SLC9A7: variants seen among roughly 807,000 people sequenced by gnomAD.
SLC9A7 encodes sodium/hydrogen exchanger 7.
In SLC9A7, 19 loss-of-function variants were observed where a neutral mutation model predicts 52.6. That is an observed-to-expected ratio of 0.36 (90% CI 0.25 to 0.53). The LOEUF (loss-of-function observed/expected upper bound fraction) is 0.53. Among genes scored for constraint, SLC9A7 ranks in the 20% least tolerant of loss-of-function variants. SLC9A7 has a pLI of 0.91. For synonymous variants in SLC9A7, 226 were observed against 252.1 expected (o/e 0.90, Z 0.98); for missense variants, 455 against 597.9 (o/e 0.76, Z 2.49).
chrX:46,703,972 T>C (rs895673312), intron 1 of SLC9A7, among the ~76,000 whole-genome samples: 1 of 112,023 alleles, frequency 8.9e-6, no homozygotes, highest in Admixed American at 9.5e-5. Context: ...TTGATCTATT[T>C]GCATTTTACA....
At chrX:46,618,659 T>A (rs776665543) in intron 15 of SLC9A7, among the ~76,000 whole-genome samples, 1 of 112,370 alleles carries the variant, frequency 8.9e-6, no homozygotes, top group Non-Finnish European at 1.9e-5. Context: ...ATTTAAAAAG[T>A]GAGGCTGGGT....
intron 1 of SLC9A7, among the ~76,000 whole-genome samples, chrX:46,711,793 T>C (rs1944690877): frequency 9.2e-6 from 1 of 108,582 alleles, no homozygotes; most frequent in Non-Finnish European, 1.9e-5. Context: ...CTTCCTGCTC[T>C]ACCACCAAGA....
At chrX:46,746,818 A>G (rs1299392159) in intron 1 of SLC9A7, among the ~76,000 whole-genome samples, 1 of 112,686 alleles carries the variant, frequency 8.9e-6, no homozygotes, top group Non-Finnish European at 1.9e-5. Flanking sequence ...GGAAATCAAT[A>G]TAATAAAGAA....
Position 46,599,296 on chromosome X carries a change from C to CTT in SLC9A7, c.*7654_*7655dup, listed in dbSNP as rs1942623511. The CTT allele has an allele frequency of 9.0e-6, 1 of 111,697 alleles. No individual in the cohort carries two copies. Among genetic ancestry groups the CTT allele is most frequent in the South Asian group, 3.7e-4 (1 of 2,681 alleles). The allele number at this position is 111,697 out of a possible 1,213,427, so 9.2% of individuals were successfully genotyped here. ...TTACAAAAAAAGGCAGTGGGCTGGA[C>CTT]TTGGTTCAGGAGCCAGCTGTAGTTT... On this transcript the variant is annotated 3_prime_UTR_variant, in exon 17 of 17. Transcript: ENST00000616978.
intron 1 of SLC9A7, among the ~76,000 whole-genome samples, chrX:46,749,162 C>T (rs1277095853): frequency 8.9e-6 from 1 of 111,825 alleles, no homozygotes; most frequent in African/African-American, 3.3e-5. Flanking sequence ...GGCATAAGAA[C>T]TTGAAGGAGG....
At chrX:46,751,671 G>A (rs1235886515) in intron 1 of SLC9A7, among the ~76,000 whole-genome samples, 1 of 110,557 alleles carries the variant, frequency 9.0e-6, no homozygotes, top group East Asian at 2.8e-4. Context: ...TTAGCCAGGC[G>A]TAGTGGTGAG....
chrX:46,638,678 T>C (rs1943358361), intron 12 of SLC9A7, among the ~76,000 whole-genome samples: 1 of 112,209 alleles, frequency 8.9e-6, no homozygotes, highest in Non-Finnish European at 1.9e-5. Context: ...ATAGGTCATC[T>C]GAAAAGCCCT....
chrX:46,706,243 T>TTTC (rs1944603743), intron 1 of SLC9A7, among the ~76,000 whole-genome samples: 1 of 98,635 alleles, frequency 1.0e-5, no homozygotes, highest in African/African-American at 3.7e-5. Context: ...CCATTGAAAG[T>TTTC]AATGGCAAAA....
chrX:46,754,640 C>G (rs373438492), intron 1 of SLC9A7, among the ~76,000 whole-genome samples: 5 of 109,501 alleles, frequency 4.6e-5, no homozygotes, highest in Admixed American at 9.8e-5. Flanking sequence ...GAGCCCACAA[C>G]CCATAGAACC....
At chrX:46,615,962 T>C (rs1942941304) in intron 15 of SLC9A7, among the ~76,000 whole-genome samples, 1 of 110,434 alleles carries the variant, frequency 9.1e-6, no homozygotes, top group African/African-American at 3.3e-5. Flanking sequence ...AACATTTGCT[T>C]TCTACTTTAT....
Position 46,669,634 on chromosome X carries a change from CA to C in SLC9A7, c.765del (p.Phe255LeufsTer11). 1.7e-6 allele frequency: 2 copies of C among 1,181,256 alleles called. No homozygotes were observed. Among genetic ancestry groups the C allele is most frequent in the Non-Finnish European group, 2.3e-6 (2 of 877,388 alleles). ...GGGTCAGTGGCAGAGATGATTGCTC[CA>C]AAAAAGAGACAATCTGTGTAGTAAA... ...DKFYYTDCLFFGAIISATDPV... is the reference protein window; with the variant it reads ...DKFYYTDCLFXGAIISATDPV... On this transcript the variant is annotated frameshift_variant, in exon 5 of 17. Coordinates refer to ENST00000616978, the MANE Select transcript of SLC9A7 (RefSeq NM_001257291.2). LOFTEE classifies it high-confidence loss of function.
At chrX:46,657,086 G>T (rs1385027048) in intron 7 of SLC9A7, among the ~76,000 whole-genome samples, 6 of 107,430 alleles carry the variant, frequency 5.6e-5, no homozygotes, top group East Asian at 5.8e-4. Flanking sequence ...TTAAAGAAAA[G>T]AATTTTCAAC....
At chrX:46,653,057 C>G (rs1312814372) in intron 8 of SLC9A7, among the ~76,000 whole-genome samples, 3 of 112,119 alleles carry the variant, frequency 2.7e-5, no homozygotes, top group African/African-American at 9.7e-5. Context: ...AATGAGTACT[C>G]AAAAATGTAA....
At chrX:46,729,905 T>C (rs973547952) in intron 1 of SLC9A7, among the ~76,000 whole-genome samples, 2 of 112,586 alleles carry the variant, frequency 1.8e-5, no homozygotes, top group Non-Finnish European at 3.7e-5. Flanking sequence ...TTCAGATTTA[T>C]TTAACTCAGA....
chrX:46,723,280 T>G (rs186031860), intron 1 of SLC9A7, among the ~76,000 whole-genome samples: 2 of 80,733 alleles, frequency 2.5e-5, no homozygotes, highest in African/African-American at 1.0e-4. Context: ...CCGTGGTGTA[T>G]CGGCAATAAG....
chrX:46,754,471 C>A (rs1254337200), intron 1 of SLC9A7, among the ~76,000 whole-genome samples: 3 of 111,766 alleles, frequency 2.7e-5, no homozygotes, highest in African/African-American at 9.8e-5. Context: ...AGGGGGGACT[C>A]CTGATTAACC....
chrX:46,753,296 C>A (rs982413887), intron 1 of SLC9A7, among the ~76,000 whole-genome samples: 35 of 112,001 alleles, frequency 3.1e-4, no homozygotes, highest in Non-Finnish European at 3.8e-5. Context: ...TCTCTCCCAA[C>A]AACTCATCCT....
intron 12 of SLC9A7, among the ~76,000 whole-genome samples, chrX:46,637,385 C>T (rs1258796502): frequency 8.9e-6 from 1 of 112,539 alleles, no homozygotes; most frequent in Non-Finnish European, 1.9e-5. Context: ...AATGTTATTA[C>T]ATAAAGAGCT....
intron 1 of SLC9A7, among the ~76,000 whole-genome samples, chrX:46,738,018 C>A (rs901024751): frequency 1.1e-5 from 1 of 92,991 alleles, no homozygotes; most frequent in Non-Finnish European, 2.0e-5. Context: ...CAGAGTGAGA[C>A]CCTGTCTCAA....
Sources: gnomAD v4.1 joint callset for allele counts (sites outside exome capture counted in the v4.1 genomes callset) on GRCh38, gnomAD v4.1.1 for gene constraint, MANE v1.5 for transcripts, NCBI Gene and HGNC (gene_info 2026-07-23, HGNC 2026-07-21) for gene names.